The following BMPR1A variants were observed in gnomAD, a reference collection of about 807,000 sequenced individuals.
BMPR1A encodes the protein bone morphogenetic protein receptor type 1A, also known as bone morphogenetic protein receptor type-1A.
In BMPR1A, 7 loss-of-function variants were observed where a neutral mutation model predicts 66.0. That is an observed-to-expected ratio of 0.11 (90% CI 0.06 to 0.20). BMPR1A has a LOEUF of 0.20. Ranked by LOEUF, BMPR1A falls within the 10% of genes least tolerant of loss-of-function variation. BMPR1A has a pLI of 1.00. For synonymous variants in BMPR1A, 200 were observed against 229.7 expected, an observed-to-expected ratio of 0.87 and a Z score of 1.17; for missense variants, 408 against 669.1, an observed-to-expected ratio of 0.61 and a Z score of 4.31.
intron 2 of BMPR1A, among the ~76,000 whole-genome samples, chr10:86,866,415 T>TTTTTTC (rs1842788444): frequency 7.6e-6 from 1 of 132,262 alleles, no homozygotes; most frequent in African/African-American, 3.0e-5. Flanking sequence ...TTTTTTTTTT[T>TTTTTTC]TTTTTTTTTT....
intron 7 of BMPR1A, among the ~76,000 whole-genome samples, chr10:86,911,602 T>C (rs925702208): frequency 3.3e-5 from 5 of 151,996 alleles, no homozygotes; most frequent in African/African-American, 7.3e-5. Context: ...AAAAAAAGAT[T>C]AGCTGGGCAT....
rs374338203 is a variant in BMPR1A at position 86,881,857 on chromosome 10, T to C, written c.67+5772T>C. 3.9e-5 allele frequency among the ~76,000 whole-genome samples: 6 copies of C among 152,352 alleles called. No individual in the cohort carries two copies. In the East Asian group the frequency reaches 9.6e-4, roughly 24 times the overall value. ...AGGAAACTACTAAAGTAATTTGTAATATTTATGATACAATTGGAAATTAGA... is the reference window on the plus strand; with the variant it reads ...AGGAAACTACTAAAGTAATTTGTAACATTTATGATACAATTGGAAATTAGA... On this transcript the variant is annotated intron_variant, in intron 3 of 12. Transcript: ENST00000372037.
chr10:86,792,795 A>T (rs1841647543), intron 1 of BMPR1A, among the ~76,000 whole-genome samples: 1 of 152,220 alleles, frequency 6.6e-6, no homozygotes, highest in Admixed American at 6.5e-5. Flanking sequence ...CATGATGGGT[A>T]TCAGATCACA....
chr10:86,886,890 G>A (rs1013092944), intron 3 of BMPR1A, among the ~76,000 whole-genome samples: 1 of 147,360 alleles, frequency 6.8e-6, no homozygotes, highest in African/African-American at 2.5e-5. Context: ...GAAGTGCAAT[G>A]GCTTGATCTC....
chr10:86,891,798 G>GACAT (rs1311967224), intron 4 of BMPR1A, among the ~76,000 whole-genome samples: 1 of 152,178 alleles, frequency 6.6e-6, no homozygotes, highest in African/African-American at 2.4e-5. Context: ...TTCAAAACAT[G>GACAT]ACATAAAATT....
At chr10:86,777,450 A>G (rs948042424) in intron 1 of BMPR1A, among the ~76,000 whole-genome samples, 2 of 152,050 alleles carry the variant, frequency 1.3e-5, no homozygotes, top group African/African-American at 2.4e-5. Flanking sequence ...GCATGGTGGC[A>G]TATGCCCGTA....
At chr10:86,854,337 G>A (rs1463146316) in intron 2 of BMPR1A, among the ~76,000 whole-genome samples, 1 of 152,090 alleles carries the variant, frequency 6.6e-6, no homozygotes, top group Non-Finnish European at 1.5e-5. Flanking sequence ...AATTATTACA[G>A]GGTCCTGAGG....
At chr10:86,880,472 A>C (rs992057452) in intron 3 of BMPR1A, among the ~76,000 whole-genome samples, 2 of 152,238 alleles carry the variant, frequency 1.3e-5, no homozygotes, top group African/African-American at 2.4e-5. Context: ...CGAAGACTGT[A>C]AGCTTTAATA....
At chr10:86,777,608 C>T (rs1345141870) in intron 1 of BMPR1A, among the ~76,000 whole-genome samples, 1 of 151,970 alleles carries the variant, frequency 6.6e-6, no homozygotes, top group African/African-American at 2.4e-5. Context: ...CATGTATTTA[C>T]CCTCTTAACA....
At chr10:86,826,501 C>T (rs1002215106) in intron 1 of BMPR1A, among the ~76,000 whole-genome samples, 2 of 151,924 alleles carry the variant, frequency 1.3e-5, no homozygotes, top group Non-Finnish European at 2.9e-5. Context: ...CACTACCCCA[C>T]CTCCATCTAC....
intron 1 of BMPR1A, among the ~76,000 whole-genome samples, chr10:86,767,774 A>G (rs1319807814): frequency 3.3e-5 from 5 of 152,048 alleles, no homozygotes; most frequent in Non-Finnish European, 7.3e-5. Context: ...TCCTCCCCCA[A>G]AGAACTCAAT....
rs58521508 is a variant in BMPR1A at position 86,764,336 on chromosome 10, A to G, written c.-268+7417A>G. 0.017 allele frequency among the ~76,000 whole-genome samples: 2,541 copies of G among 152,330 alleles called. 92 individuals are homozygous for G. Among genetic ancestry groups the G allele is most frequent in the African/African-American group, 0.059 (2,437 of 41,562 alleles). On this transcript the variant is annotated intron_variant, in intron 1 of 12. Transcript: ENST00000372037. ...TTTTCAAGAATCATTTAAAAATGTCATGAAATAAAAATATTTCAGTGGTAA... is the reference window on the plus strand; with the variant it reads ...TTTTCAAGAATCATTTAAAAATGTCGTGAAATAAAAATATTTCAGTGGTAA...
chr10:86,762,633 A>G (rs1841087275), intron 1 of BMPR1A, among the ~76,000 whole-genome samples: 1 of 152,228 alleles, frequency 6.6e-6, no homozygotes, highest in Non-Finnish European at 1.5e-5. Context: ...TTCTGGGATT[A>G]CAGGTGTGAG....
chr10:86,897,886 G>A (rs544141831), intron 5 of BMPR1A, among the ~76,000 whole-genome samples: 2 of 152,242 alleles, frequency 1.3e-5, no homozygotes, highest in African/African-American at 4.8e-5. Flanking sequence ...GATTACAGGT[G>A]TGAGCCACTG....
Position 86,760,245 on chromosome 10 carries a change from TTTC to T in BMPR1A, c.-268+3329_-268+3331del, listed in dbSNP as rs557459345. 1.9e-3 allele frequency among the ~76,000 whole-genome samples: 162 copies of T among 84,958 alleles called. 3 individuals carry two copies. The highest frequency in any genetic ancestry group is 6.8e-3 in the African/African-American group (139 of 20,480). 55.7% of individuals were successfully genotyped at this position (84,958 alleles called of 152,430 possible). On this transcript the variant is annotated intron_variant, in intron 1 of 12. Transcript: ENST00000372037. ...TGTTTTTTCTTTCTTTCTTTCTTTCTTTCTTTTTTTTTTTTTTTTTTTTTTTGA... is the reference window on the plus strand; with the variant it reads ...TGTTTTTTCTTTCTTTCTTTCTTTCTTTTTTTTTTTTTTTTTTTTTTTTGA...
chr10:86,836,200 T>C (rs1842344054), intron 1 of BMPR1A, among the ~76,000 whole-genome samples: 1 of 152,240 alleles, frequency 6.6e-6, no homozygotes, highest in Non-Finnish European at 1.5e-5. Flanking sequence ...GCTAAGTGAT[T>C]AAAGTTGTTT....
chr10:86,899,643 A>C lies in BMPR1A; in HGVS notation c.334-151A>C. 8.5e-6 allele frequency: 7 copies of C among 825,838 alleles called. No individual in the cohort carries two copies. In the South Asian group the frequency reaches 1.2e-4, roughly 14 times the overall value. 51.2% of individuals were successfully genotyped at this position (825,838 alleles called of 1,614,324 possible). On this transcript the variant is annotated intron_variant, in intron 5 of 12. Transcript: ENST00000372037. ...TTGCAGTCTTCACTATTTCAGCACA[A>C]ATTTTAATCTTTCAATAATCTGTTT...
intron 7 of BMPR1A, among the ~76,000 whole-genome samples, chr10:86,907,195 G>A (rs1843407625): frequency 2.0e-5 from 3 of 151,878 alleles, no homozygotes; most frequent in Non-Finnish European, 2.9e-5. Flanking sequence ...CCTCTTGGCA[G>A]TGAGTGATTA....
intron 1 of BMPR1A, among the ~76,000 whole-genome samples, chr10:86,792,063 C>CTTTTTT (rs35251758): frequency 1.2e-5 from 1 of 83,626 alleles, no homozygotes; most frequent in Non-Finnish European, 2.3e-5. Flanking sequence ...ACTGTCAGAT[C>CTTTTTT]TTTTTTTTTT....
Sources: allele counts gnomAD v4.1 joint callset (sites outside exome capture counted in the v4.1 genomes callset), GRCh38; gene constraint gnomAD v4.1.1; transcripts MANE v1.5; gene names NCBI Gene and HGNC (gene_info 2026-07-23, HGNC 2026-07-21).